ARHGAP39: variants seen among roughly 807,000 people sequenced by gnomAD.
ARHGAP39 encodes rho GTPase-activating protein 39.
ARHGAP39 carries 44 observed loss-of-function variants against 106.9 expected under a neutral mutation model. The observed-to-expected ratio is 0.41, with a 90% CI of 0.32 to 0.53. The LOEUF (loss-of-function observed/expected upper bound fraction) is 0.53. Ranked by LOEUF, ARHGAP39 falls within the 20% of genes least tolerant of loss-of-function variation. The probability of loss-of-function intolerance (pLI) is 0.21; values close to 1 mark genes in which losing one functional copy is unlikely to be tolerated. For missense variants in ARHGAP39, 1,496 were observed against 1,577.3 expected, an observed-to-expected ratio of 0.95 and a Z score of 0.87; for synonymous variants, 768 against 693.2, an observed-to-expected ratio of 1.11 and a Z score of -1.69.
At chr8:144,689,381 G>A (rs1353456826), upstream of ARHGAP39, among the ~76,000 whole-genome samples, 1 of 121,328 alleles carries the variant, frequency 8.2e-6, no homozygotes, top group Non-Finnish European at 1.8e-5. Flanking sequence ...TTTGTTTTTT[G>A]TTTGTATTTA....
At chr8:144,555,708 C>A in intron 3 of ARHGAP39, 65 bp from the exon 4 acceptor site, 1 of 1,413,278 alleles carries the variant, frequency 7.1e-7, no homozygotes. Flanking sequence ...ACCAGCCACT[C>A]CCTGACTTAA....
chr8:144,533,100 C>A, intron 9 of ARHGAP39, 26 bp downstream of exon 9: 1 of 1,589,574 alleles, frequency 6.3e-7, no homozygotes, highest in Non-Finnish European at 8.5e-7. Context: ...GGCCCCCACA[C>A]CCGGCGCCCG....
Position 144,595,649 on chromosome 8 carries a change from G to T in ARHGAP39, c.80+9886C>A, listed in dbSNP as rs898473417. ...TCAGCCAAGAGGTCCCAAGAGGCAG[G>T]CAGGTATCTGGGAACATGTGGAGGG... is the stretch of plus-strand genomic sequence containing the variant. On this transcript the variant is annotated intron_variant, in intron 2 of 11. Transcript: ENST00000377307. Among the ~76,000 whole-genome samples the T allele has an allele frequency of 2.6e-5, 4 of 152,246 alleles. No individual in the cohort carries two copies. The South Asian group carries it at 8.3e-4, about 31-fold the overall frequency.
chr8:144,581,008 C>T lies in ARHGAP39; in HGVS notation c.350G>A (p.Arg117His), dbSNP rs1305895460. 6.3e-7 allele frequency: 1 copy of T among 1,590,958 alleles called. No homozygotes were observed. Among genetic ancestry groups the T allele is most frequent in the Admixed American group, 1.8e-5 (1 of 56,604 alleles). Residue 117 changes from arginine (R) to histidine (H), a missense_variant, in exon 3 of 12, where the codon CGC (arginine) becomes CAC (histidine). Coordinates refer to ENST00000377307, the MANE Select transcript of ARHGAP39 (RefSeq NM_025251.3). The stretch of plus-strand genomic sequence containing the variant: ...CCCGGGGCTGCTCTCCGCCGAGGCG[C>T]GCGGGGACTCCGTGTTCTGCTTCAG... Reference protein sequence around the residue: ...QTLKQNTESPRASAESSPGRG... With the variant: ...QTLKQNTESPHASAESSPGRG...
chr8:144,683,306 C>T (rs1397385997), intron 1 of ARHGAP39: 1 of 149,990 alleles, frequency 6.7e-6, no homozygotes, highest in African/African-American at 2.4e-5. Flanking sequence ...CAGAGCGAGA[C>T]TCTGTCTCAA....
chr8:144,636,540 C>A (rs754798765), intron 1 of ARHGAP39, among the ~76,000 whole-genome samples: 1 of 152,154 alleles, frequency 6.6e-6, no homozygotes, highest in African/African-American at 2.4e-5. Flanking sequence ...GTGAAGATGC[C>A]CAGGAGGGCG....
chr8:144,549,134 C>T (rs1817599788), intron 4 of ARHGAP39, among the ~76,000 whole-genome samples: 1 of 152,248 alleles, frequency 6.6e-6, no homozygotes. Flanking sequence ...GCATGAGTCC[C>T]ACTCACTCAT....
In ARHGAP39 at chr8:144,604,213, G is replaced by A. The variant is rs1307265025; in HGVS notation, c.80+1322C>T. Among the ~76,000 whole-genome samples, 3 of 152,120 alleles carry A rather than the reference G, an allele frequency of 2.0e-5. No individual in the cohort carries two copies. The highest frequency in any genetic ancestry group is 6.5e-5 in the Admixed American group (1 of 15,276). ...GGCCGGGAGGCAGCAGCTGCACCTCGGGGGGTGCGGGCGAGGCCTCTGTCG... is the reference window on the plus strand; with the variant it reads ...GGCCGGGAGGCAGCAGCTGCACCTCAGGGGGTGCGGGCGAGGCCTCTGTCG... On this transcript the variant is annotated intron_variant, in intron 2 of 11. Transcript: ENST00000377307. The surrounding 1 kb of genome is among the most constrained non-coding windows in gnomAD (Gnocchi z 4.1).
At position 144,530,315 on chromosome 8, in the gene ARHGAP39, C is replaced by G; in HGVS notation, c.*107G>C. 2 of 1,264,658 alleles carry G rather than the reference C, an allele frequency of 1.6e-6. No individual in the cohort carries two copies. Among genetic ancestry groups the G allele is most frequent in the Non-Finnish European group, 2.2e-6 (2 of 920,194 alleles). 78.3% of individuals were successfully genotyped at this position (1,264,658 alleles called of 1,614,324 possible). A position where few individuals can be genotyped will look rare whatever the true frequency, so the allele number is the denominator to read the frequency against. On this transcript the variant is annotated 3_prime_UTR_variant, in exon 12 of 12. Transcript: ENST00000377307. ...CAGGGGCCTGGGGGAGTGGAGGGGG[C>G]TCCAGGGCTGGGCCGGGCGATTCTG...
chr8:144,688,543 C>T (rs114684233), upstream of ARHGAP39, among the ~76,000 whole-genome samples: 347 of 152,274 alleles, frequency 2.3e-3, no homozygotes, highest in African/African-American at 7.8e-3. Context: ...ATCAGGAATT[C>T]GAGACCAGCC....
intron 4 of ARHGAP39, among the ~76,000 whole-genome samples, chr8:144,552,382 C>CGCG (rs1260136770): frequency 6.6e-6 from 1 of 152,258 alleles, no homozygotes; most frequent in East Asian, 1.9e-4. Context: ...GGGAGAAGCG[C>CGCG]GCGGCGGCAG....
At position 144,670,230 on chromosome 8, in the gene ARHGAP39, G is replaced by A. The variant is rs192311472; in HGVS notation, c.-82+15456C>T. 3.3e-5 allele frequency among the ~76,000 whole-genome samples: 5 copies of A among 152,282 alleles called. No individual in the cohort carries two copies. Among genetic ancestry groups the A allele is most frequent in the African/African-American group, 9.6e-5 (4 of 41,550 alleles). ...GACGCATGCTAGAGCGTACCGGGAA[G>A]CTGGATGAGGGCCTGGGACCAGGCG... On this transcript the variant is annotated intron_variant, in intron 1 of 11. Coordinates refer to ENST00000377307, the MANE Select transcript of ARHGAP39 (RefSeq NM_025251.3). This position sits in a 1 kb window ranked among gnomAD's most constrained non-coding sequence, Gnocchi z 4.4.
At position 144,604,019 on chromosome 8, in the gene ARHGAP39, C is replaced by G. The variant is rs932069929; in HGVS notation, c.80+1516G>C. Among the ~76,000 whole-genome samples the G allele has an allele frequency of 9.9e-5, 15 of 152,200 alleles. No homozygotes were observed. Among genetic ancestry groups the G allele is most frequent in the African/African-American group, 3.4e-4 (14 of 41,454 alleles). ...CTCACAGCCCACATCAGCGAACAAA[C>G]GAATGAAGAACGAACAAACGAATGA... is the stretch of plus-strand genomic sequence containing the variant. On this transcript the variant is annotated intron_variant, in intron 2 of 11. Coordinates refer to ENST00000377307, the MANE Select transcript of ARHGAP39 (RefSeq NM_025251.3). This position sits in a 1 kb window ranked among gnomAD's most constrained non-coding sequence, Gnocchi z 4.1.
intron 1 of ARHGAP39, among the ~76,000 whole-genome samples, chr8:144,685,146 C>T (rs1822548307): frequency 6.7e-6 from 1 of 149,142 alleles, no homozygotes; most frequent in Non-Finnish European, 1.5e-5. Context: ...GGGCCGGGCA[C>T]ACTCACACCT....
intron 2 of ARHGAP39, among the ~76,000 whole-genome samples, chr8:144,596,182 C>A (rs919121689): frequency 6.6e-6 from 1 of 151,402 alleles, no homozygotes; most frequent in African/African-American, 2.4e-5. Flanking sequence ...CCGGCGCTGT[C>A]CACCACCCCT....
At chr8:144,565,827 G>C (rs1417992412) in intron 3 of ARHGAP39, among the ~76,000 whole-genome samples, 2 of 151,990 alleles carry the variant, frequency 1.3e-5, no homozygotes, top group Admixed American at 1.3e-4. Flanking sequence ...GCCAGGCACA[G>C]TGGCTCACAC....
At chr8:144,628,215 G>C (rs1820973920) in intron 1 of ARHGAP39, among the ~76,000 whole-genome samples, 1 of 152,184 alleles carries the variant, frequency 6.6e-6, no homozygotes. Flanking sequence ...GCAGGGGCCA[G>C]GTGCCACCTG....
In ARHGAP39 at chr8:144,537,766, ACTT is replaced by A. The variant is rs776371042; in HGVS notation, c.2566_2568del (p.Lys856del). 1.4e-5 allele frequency: 22 copies of A among 1,613,920 alleles called. No homozygotes were observed. The highest frequency in any genetic ancestry group is 2.2e-5 in the East Asian group (1 of 44,886). Reference sequence around the variant, plus strand: ...GGCTTGGGTTTCTTTCTCAATTTGGACTTCTTCTTAGTGTTTCTTTCCAGGAGC... The same window carrying A: ...GGCTTGGGTTTCTTTCTCAATTTGGACTTCTTAGTGTTTCTTTCCAGGAGC... On this transcript the variant is annotated inframe_deletion, in exon 7 of 12. Coordinates refer to ENST00000377307, the MANE Select transcript of ARHGAP39 (RefSeq NM_025251.3).
intron 1 of ARHGAP39, among the ~76,000 whole-genome samples, chr8:144,619,486 C>A (rs997275643): frequency 6.7e-6 from 1 of 150,066 alleles, no homozygotes; most frequent in African/African-American, 2.5e-5. Context: ...CCCTGAGAGA[C>A]CGTTTGTGTG....
Sources: allele counts gnomAD v4.1 joint callset (sites outside exome capture counted in the v4.1 genomes callset), GRCh38; gene constraint gnomAD v4.1.1; non-coding constraint Gnocchi (gnomAD v3.1); transcripts MANE v1.5; gene names NCBI Gene and HGNC (gene_info 2026-07-23, HGNC 2026-07-21).